The following DSP variants were observed in gnomAD, a reference collection of about 807,000 sequenced individuals.
DSP encodes the protein desmoplakin.
Under a neutral mutation model 290.6 loss-of-function variants are expected in DSP, and 114 were observed. The ratio of observed to expected loss-of-function variants is 0.39; its 90% CI spans 0.34 to 0.46. DSP has a LOEUF of 0.46. Among genes scored for constraint, DSP ranks in the 20% least tolerant of loss-of-function variants. The probability of loss-of-function intolerance (pLI) is 0.99; values close to 1 mark genes in which losing one functional copy is unlikely to be tolerated. For missense variants in DSP, 3,230 were observed against 3,495.8 expected (o/e 0.92, Z 1.92); for synonymous variants, 1,311 against 1,316.4 (o/e 1.00, Z 0.09).
intron 1 of DSP, among the ~76,000 whole-genome samples, chr6:7,545,171 C>T (rs1275961907): frequency 1.3e-5 from 2 of 152,148 alleles, no homozygotes; most frequent in Non-Finnish European, 2.9e-5. Flanking sequence ...GCTTATTTTT[C>T]TTCAGATCTC....
chr6:7,570,419 T>TC lies in DSP; in HGVS notation c.1575-15dup. On this transcript the variant is annotated splice_polypyrimidine_tract_variant and intron_variant, in intron 12 of 23. Coordinates refer to ENST00000379802, the MANE Select transcript of DSP (RefSeq NM_004415.4). ...GTGAAAGCCTGGCTCTAGCATGTTT[T>TC]CCCTTTGTGCCTCTTAGGATTGAGC... The TC allele has an allele frequency of 6.2e-7, 1 of 1,614,164 alleles. No individual in the cohort carries two copies. The highest frequency in any genetic ancestry group is 2.2e-5 in the East Asian group (1 of 44,880).
rs151029175 is a variant in DSP, at chr6:7,585,743, C to T, written c.8481C>T (p.Ser2827=). ...YNMSSAPGSR[S]GSRSGSRSGS... ...TGTCTTCGGCTCCGGGGTCCCGCTC[C>T]GGCTCCCGCTCGGGATCTCGCTCCG... The change falls in exon 24 of 24, where the codon TCC becomes TCT. Residue 2827 remains serine, a synonymous_variant. Coordinates refer to ENST00000379802, the MANE Select transcript of DSP (RefSeq NM_004415.4). The T allele has an allele frequency of 9.9e-4, 1,595 of 1,609,774 alleles. 13 individuals carry two copies. In the African/African-American group the frequency reaches 0.015, roughly 15 times the overall value.
In DSP at chr6:7,565,895, G is replaced by A. The variant is rs1467519961; in HGVS notation, c.939+375G>A. The stretch of plus-strand genomic sequence containing the variant: ...TAATGGGTACTAGGCTTAATCGTGG[G>A]TGATGAAATAACCTGTACAACAAAT... On this transcript the variant is annotated intron_variant, in intron 7 of 23. Coordinates refer to ENST00000379802, the MANE Select transcript of DSP (RefSeq NM_004415.4). The surrounding 1 kb of genome is among the most constrained non-coding windows in gnomAD (Gnocchi z 4.2). 2.8e-6 allele frequency: 1 copy of A among 351,102 alleles called. No homozygotes were observed. Among genetic ancestry groups the A allele is most frequent in the Non-Finnish European group, 5.4e-6 (1 of 183,740 alleles). 21.7% of individuals were successfully genotyped at this position (351,102 alleles called of 1,614,324 possible). A position where few individuals can be genotyped will look rare whatever the true frequency, so the allele number is the denominator to read the frequency against.
Position 7,574,152 on chromosome 6 carries a change from T to A in DSP, c.2197T>A (p.Phe733Ile). 1 of 1,614,122 alleles carries A rather than the reference T, an allele frequency of 6.2e-7. No individual in the cohort carries two copies. Among genetic ancestry groups the A allele is most frequent in the Non-Finnish European group, 8.5e-7 (1 of 1,179,992 alleles). ...CCAGCTTAAAGATATGCTTGCCAACTTCAGAGGTTCTGAAAAGTACTGCTA... is the reference window on the plus strand; with the variant it reads ...CCAGCTTAAAGATATGCTTGCCAACATCAGAGGTTCTGAAAAGTACTGCTA... ...LNQLKDMLAN[F>I]RGSEKYCYLQ... The change falls in exon 16 of 24, where the codon TTC (phenylalanine) becomes ATC (isoleucine). Residue 733 changes from phenylalanine to isoleucine, a missense_variant. By Grantham distance (21) the Phe-to-Ile change is conservative (BLOSUM62 0). Around this residue, in one of 5 missense-constraint regions of DSP, gnomAD observed 1,714 missense variants for 1,844.5 expected, o/e 0.93. Transcript: ENST00000379802.
rs1169999963 is a variant in DSP at position 7,580,659 on chromosome 6, T to A, written c.4469T>A (p.Ile1490Asn). The change falls in exon 23 of 24, where the codon ATC (isoleucine) becomes AAC (asparagine). Residue 1490 changes from isoleucine to asparagine, a missense_variant. Physicochemically the swap from Ile to Asn is moderately radical, Grantham distance 149. Around this residue, in one of 5 missense-constraint regions of DSP, gnomAD observed 1,714 missense variants for 1,844.5 expected, o/e 0.93. Coordinates refer to ENST00000379802, the MANE Select transcript of DSP (RefSeq NM_004415.4). The surrounding 1 kb of genome is among the most constrained non-coding windows in gnomAD (Gnocchi z 4.2). ...GAGATAGAAAGGTTAAAACAACTGA[T>A]CGACAAAGAAACAAATGACCGGAAA... The part of the protein sequence containing the change: ...NKEIERLKQL[I>N]DKETNDRKCL... The A allele has an allele frequency of 6.2e-7, 1 of 1,613,830 alleles. No individual in the cohort carries two copies. Among genetic ancestry groups the A allele is most frequent in the East Asian group, 2.2e-5 (1 of 44,878 alleles).
intron 1 of DSP, among the ~76,000 whole-genome samples, chr6:7,548,393 G>C (rs1313685303): frequency 1.3e-5 from 2 of 152,220 alleles, no homozygotes; most frequent in African/African-American, 2.4e-5. Flanking sequence ...GCCCCAGGAG[G>C]GGGGTGTTCT....
chr6:7,570,356 G>T, intron 12 of DSP, 81 bp from the exon 13 acceptor site: 1 of 1,604,792 alleles, frequency 6.2e-7, no homozygotes, highest in Non-Finnish European at 8.5e-7. Context: ...TTTGTGCAGT[G>T]GTGTGAGCGT....
Position 7,583,979 on chromosome 6 carries a change from T to C in DSP, c.6717T>C (p.Gly2239=). The C allele has an allele frequency of 6.2e-7, 1 of 1,614,154 alleles. No individual in the cohort carries two copies. The highest frequency in any genetic ancestry group is 8.5e-7 in the Non-Finnish European group (1 of 1,180,038). The change falls in exon 24 of 24, where the codon GGT becomes GGC. Residue 2239 remains glycine (G), a synonymous_variant. Coordinates refer to ENST00000379802, the MANE Select transcript of DSP (RefSeq NM_004415.4). This position sits in a 1 kb window ranked among gnomAD's most constrained non-coding sequence, Gnocchi z 4.0. ...RPSTVNELES[G]QISYDEVGER... is the part of the protein sequence containing the mutation. ...CCACTGTCAATGAACTGGAATCTGG[T>C]CAGATTTCTTATGACGAGGTTGGTG...
rs772000819 is a variant in DSP, at chr6:7,569,227, C to T, written c.1461C>T (p.Asn487=). ...GGGATGAGTGTATCCTGAAGGACAA[C>T]AACGAGCGCAGCAAGTGGTACGTGA... is the stretch of plus-strand genomic sequence containing the variant. ...HKGDECILKD[N]NERSKWYVTG... Residue 487 remains asparagine, a synonymous_variant, in exon 12 of 24, where the codon AAC becomes AAT. Transcript: ENST00000379802. 6.2e-7 allele frequency: 1 copy of T among 1,614,174 alleles called. No homozygotes were observed. Among genetic ancestry groups the T allele is most frequent in the South Asian group, 1.1e-5 (1 of 91,082 alleles).
intron 1 of DSP, among the ~76,000 whole-genome samples, chr6:7,545,563 T>C (rs533864721): frequency 6.6e-6 from 1 of 152,356 alleles, no homozygotes; most frequent in East Asian, 1.9e-4. Flanking sequence ...TTACCGAGCA[T>C]TGACTGCATT....
At chr6:7,562,487 C>A (rs1473634663) in intron 4 of DSP, 165 bp from the exon 5 acceptor site, 2 of 1,199,618 alleles carry the variant, frequency 1.7e-6, no homozygotes, top group East Asian at 2.5e-5. Flanking sequence ...ATTTGGCAAC[C>A]CTGCATTAGC....
intron 5 of DSP, among the ~76,000 whole-genome samples, chr6:7,563,402 C>T (rs1758762753): frequency 6.6e-6 from 1 of 151,796 alleles, no homozygotes; most frequent in Non-Finnish European, 1.5e-5. Flanking sequence ...CCACCTGAGC[C>T]CCTGACCAAC....
chr6:7,568,309 A>G, intron 10 of DSP, 128 bp from the exon 11 acceptor site: 1 of 1,096,444 alleles, frequency 9.1e-7, no homozygotes, highest in East Asian at 2.5e-5. Flanking sequence ...CGAATTTGTG[A>G]TTTTTTACAA....
intron 1 of DSP, among the ~76,000 whole-genome samples, chr6:7,542,859 G>A (rs1429038854): frequency 1.3e-5 from 2 of 152,176 alleles, no homozygotes; most frequent in Non-Finnish European, 2.9e-5. Flanking sequence ...TAAAAACACC[G>A]GATGAAAGAC....
chr6:7,567,216 C>G, intron 8 of DSP, 138 bp from the exon 9 acceptor site: 1 of 771,434 alleles, frequency 1.3e-6, no homozygotes, highest in Non-Finnish European at 2.3e-6. Context: ...CTCTTTCCAA[C>G]TTTTAGAAAA....
intron 15 of DSP, 33 bp downstream of exon 15, chr6:7,572,101 C>T: frequency 6.4e-7 from 1 of 1,569,490 alleles, no homozygotes; most frequent in South Asian, 1.1e-5. Context: ...CCTGGTTACC[C>T]TGTATATTTT....
In DSP at chr6:7,586,085, G is replaced by A. The variant is rs1336435209; in HGVS notation, c.*207G>A. On this transcript the variant is annotated 3_prime_UTR_variant, in exon 24 of 24. Transcript: ENST00000379802. ...CTCATCTTAAATAAGCAGTACACTT[G>A]GATGCAGTGCGTCTGAAGTGCTAAT... 6.8e-6 allele frequency: 4 copies of A among 584,676 alleles called. No homozygotes were observed. Among genetic ancestry groups the A allele is most frequent in the Non-Finnish European group, 1.2e-5 (4 of 335,020 alleles). 36.2% of individuals were successfully genotyped at this position (584,676 alleles called of 1,614,324 possible).
rs1759315328 is a variant in DSP, at chr6:7,578,446, T to C, written c.2986-18T>C. 1 of 1,606,482 alleles carries C rather than the reference T, an allele frequency of 6.2e-7. No individual in the cohort carries two copies. The highest frequency in any genetic ancestry group is 1.7e-5 in the Admixed American group (1 of 59,958). Reference sequence around the variant, plus strand: ...TTAATGCAATATCTTTTTCTTTCTTTCCTTCCTTTTCTCCAAGGCTGCAGA... The same window carrying C: ...TTAATGCAATATCTTTTTCTTTCTTCCCTTCCTTTTCTCCAAGGCTGCAGA... On this transcript the variant is annotated intron_variant, in intron 21 of 23. Coordinates refer to ENST00000379802, the MANE Select transcript of DSP (RefSeq NM_004415.4).
In DSP at chr6:7,568,296, C is replaced by T. The variant is rs544558352; in HGVS notation, c.1267-141C>T. ...CATGAAAGGTTCTCATGTTTCCTGC[C>T]GACGAATTTGTGATTTTTTACAATT... On this transcript the variant is annotated intron_variant, in intron 10 of 23. Transcript: ENST00000379802. 39 of 949,380 alleles carry T rather than the reference C, an allele frequency of 4.1e-5. 1 individual carries two copies. Among genetic ancestry groups the T allele is most frequent in the South Asian group, 3.6e-4 (24 of 67,130 alleles). The allele number at this position is 949,380 out of a possible 1,614,324, so 58.8% of individuals were successfully genotyped here.
Sources: allele counts gnomAD v4.1 joint callset (sites outside exome capture counted in the v4.1 genomes callset), GRCh38; gene constraint gnomAD v4.1.1; regional missense constraint gnomAD v4.1.1; non-coding constraint Gnocchi (gnomAD v3.1); transcripts MANE v1.5; gene names NCBI Gene and HGNC (gene_info 2026-07-23, HGNC 2026-07-21).